Variants in PLB1 observed in about 807,000 individuals in gnomAD.
The protein encoded by PLB1 is phospholipase B1.
In PLB1, 242 loss-of-function variants were observed where a neutral mutation model predicts 227.4. The observed-to-expected ratio is 1.06, with a 90% CI of 0.96 to 1.18. The LOEUF (loss-of-function observed/expected upper bound fraction) is 1.18, where lower values mean the gene tolerates loss of function less well. Among genes scored for constraint, PLB1 ranks in the 50% most tolerant of loss-of-function variants. PLB1 has a pLI of 0.00. For synonymous variants in PLB1, 757 were observed against 682.2 expected (o/e 1.11, Z -1.71); for missense variants, 1,858 against 1,816.3 (o/e 1.02, Z -0.42).
intron 50 of PLB1, among the ~76,000 whole-genome samples, chr2:28,625,917 C>T (rs1177083557): frequency 7.5e-6 from 1 of 133,416 alleles, no homozygotes; most frequent in African/African-American, 2.7e-5. Flanking sequence ...CGCCCACCGC[C>T]AAAAAAAAAA....
intron 20 of PLB1, among the ~76,000 whole-genome samples, chr2:28,568,650 C>T (rs1206668601): frequency 1.3e-5 from 2 of 152,252 alleles, no homozygotes; most frequent in Admixed American, 1.3e-4. Context: ...CCGATGACAT[C>T]ACCAAAGTGT....
chr2:28,537,703 G>A (rs1210279569), intron 9 of PLB1, among the ~76,000 whole-genome samples: 1 of 144,664 alleles, frequency 6.9e-6, no homozygotes, highest in African/African-American at 2.5e-5. Context: ...GTCCGTTTTT[G>A]AGGTCCTTCA....
At chr2:28,514,842 A>T (rs892629156) in intron 1 of PLB1, among the ~76,000 whole-genome samples, 2 of 151,892 alleles carry the variant, frequency 1.3e-5, no homozygotes, top group African/African-American at 4.8e-5. Context: ...TTCTATTTTT[A>T]TTTTATTTTT....
At chr2:28,532,000 G>A in intron 8 of PLB1, 108 bp from the exon 9 acceptor site, 2 of 842,288 alleles carry the variant, frequency 2.4e-6, no homozygotes, top group South Asian at 3.5e-5. Context: ...TCATACATGA[G>A]TTTTTCAGGG....
At chr2:28,606,396 C>G in intron 42 of PLB1, 100 bp from the exon 43 acceptor site, 1 of 1,211,448 alleles carries the variant, frequency 8.3e-7, no homozygotes, top group Admixed American at 2.0e-5. Context: ...CCCCTGAAAT[C>G]GAGTTCTGAG....
At chr2:28,622,116 AGAAAGG>A (rs1490957228) in intron 49 of PLB1, among the ~76,000 whole-genome samples, 2 of 152,244 alleles carry the variant, frequency 1.3e-5, no homozygotes, top group Non-Finnish European at 2.9e-5. Context: ...CATTGACTTA[AGAAAGG>A]GAGGTTGGAT....
chr2:28,538,215 C>T (rs370086016), intron 9 of PLB1, 104 bp from the exon 10 acceptor site: 9 of 1,379,424 alleles, frequency 6.5e-6, no homozygotes, highest in Non-Finnish European at 9.2e-6. Flanking sequence ...GGTGCCTTTG[C>T]CTGTGGTCTT....
At chr2:28,618,239 T>C (rs1197089586) in intron 45 of PLB1, 102 bp from the exon 46 acceptor site, 8 of 1,074,596 alleles carry the variant, frequency 7.4e-6, no homozygotes, top group Non-Finnish European at 1.4e-6. Context: ...ATAAGTACAA[T>C]GGGGAGCAGT....
intron 21 of PLB1, among the ~76,000 whole-genome samples, chr2:28,577,538 G>A (rs1683187113): frequency 6.6e-6 from 1 of 152,178 alleles, no homozygotes; most frequent in African/African-American, 2.4e-5. Flanking sequence ...CATCAAATAT[G>A]CCAATCAGAA....
At chr2:28,509,451 C>T (rs1667983549) in intron 1 of PLB1, among the ~76,000 whole-genome samples, 1 of 152,182 alleles carries the variant, frequency 6.6e-6, no homozygotes, top group Admixed American at 6.5e-5. Context: ...AGGTGATGGG[C>T]TGAGAGCCAC....
At chr2:28,632,006 G>T in intron 54 of PLB1, 30 bp from the exon 55 acceptor site, 1 of 1,579,770 alleles carries the variant, frequency 6.3e-7, no homozygotes. Flanking sequence ...CTTGCCAGGA[G>T]GGTTGAGCAG....
chr2:28,595,567 T>C (rs1340400232), intron 33 of PLB1: 3 of 152,212 alleles, frequency 2.0e-5, no homozygotes, highest in Non-Finnish European at 4.4e-5. Context: ...TGCAGAAATC[T>C]ATTTAAGTTT....
At chr2:28,641,752 G>A (rs1305441891) in intron 57 of PLB1, among the ~76,000 whole-genome samples, 1 of 151,990 alleles carries the variant, frequency 6.6e-6, no homozygotes, top group Non-Finnish European at 1.5e-5. Flanking sequence ...CCCTTGCCTG[G>A]CCCACCTTCG....
At chr2:28,629,268 G>C in intron 53 of PLB1, 83 bp downstream of exon 53, 1 of 1,225,924 alleles carries the variant, frequency 8.2e-7, no homozygotes, top group Non-Finnish European at 1.1e-6. Flanking sequence ...GACCAGTTGA[G>C]GCAGAGCCAG....
At position 28,585,812 on chromosome 2, in the gene PLB1, T is replaced by A; in HGVS notation, c.1785T>A (p.Ala595=). The change falls in exon 26 of 58, where the codon GCT becomes GCA. Residue 595 remains alanine (A), a synonymous_variant. Transcript: ENST00000327757. Reference sequence around the variant, plus strand: ...TTGATGATAACTCAACAGAACTTGCTACCCTCATCGAATTCAACAAGAAGT... The same window carrying A: ...TTGATGATAACTCAACAGAACTTGCAACCCTCATCGAATTCAACAAGAAGT... The part of the protein sequence containing the change: ...LKFDDNSTEL[A]TLIEFNKKFQ... 6.2e-7 allele frequency: 1 copy of A among 1,612,380 alleles called. No individual in the cohort carries two copies. The highest frequency in any genetic ancestry group is 1.7e-4 in the Middle Eastern group (1 of 6,060).
chr2:28,591,690 A>G lies in PLB1; in HGVS notation c.2128-10A>G. The G allele has an allele frequency of 1.2e-6, 2 of 1,613,648 alleles. No homozygotes were observed. The highest frequency in any genetic ancestry group is 8.5e-7 in the Non-Finnish European group (1 of 1,179,798). ...ACCCTGAGATTCTGGGATTTGTTCTATGCCCTTAGGGTCATGGGACCTGGC... is the reference window on the plus strand; with the variant it reads ...ACCCTGAGATTCTGGGATTTGTTCTGTGCCCTTAGGGTCATGGGACCTGGC... On this transcript the variant is annotated splice_polypyrimidine_tract_variant and intron_variant, in intron 30 of 57. Coordinates refer to ENST00000327757, the MANE Select transcript of PLB1 (RefSeq NM_153021.5).
At chr2:28,541,911 T>A in intron 13 of PLB1, 100 bp downstream of exon 13, 1 of 926,552 alleles carries the variant, frequency 1.1e-6, no homozygotes, top group Non-Finnish European at 1.7e-6. Context: ...GGTGGGTGGA[T>A]TACTTGAGAT....
chr2:28,618,294 T>C (rs781497836), intron 45 of PLB1, 47 bp from the exon 46 acceptor site: 3 of 1,528,294 alleles, frequency 2.0e-6, no homozygotes, highest in Middle Eastern at 1.7e-4. Context: ...CTTTAAGAGG[T>C]AGATACCCCC....
At chr2:28,538,521 T>G in intron 10 of PLB1, 140 bp downstream of exon 10, 2 of 701,236 alleles carry the variant, frequency 2.9e-6, no homozygotes, top group Non-Finnish European at 4.7e-6. Context: ...GCACCCCATC[T>G]TCTCATCCTT....
Sources: gnomAD v4.1 joint callset for allele counts (sites outside exome capture counted in the v4.1 genomes callset) on GRCh38, gnomAD v4.1.1 for gene constraint, MANE v1.5 for transcripts, NCBI Gene and HGNC (gene_info 2026-07-23, HGNC 2026-07-21) for gene names.